Variants in CSMD3 observed in about 807,000 individuals in gnomAD.
The protein encoded by CSMD3 is CUB and sushi domain-containing protein 3.
Under a neutral mutation model 435.2 loss-of-function variants are expected in CSMD3, and 177 were observed. The observed-to-expected ratio is 0.41, with a 90% confidence interval of 0.36 to 0.46. The LOEUF (loss-of-function observed/expected upper bound fraction) is 0.46, where lower values mean the gene tolerates loss of function less well. Ranked by LOEUF, CSMD3 falls within the 20% of genes least tolerant of loss-of-function variation. The pLI, the probability that CSMD3 is intolerant of heterozygous loss-of-function variation, is 0.34. For synonymous variants in CSMD3, 1,656 were observed against 1,520.5 expected (o/e 1.09, Z -2.07); for missense variants, 4,265 against 4,504.6 (o/e 0.95, Z 1.52).
chr8:113,240,977 A>C (rs1309171056), intron 3 of CSMD3, among the ~76,000 whole-genome samples: 2 of 152,140 alleles, frequency 1.3e-5, no homozygotes, highest in African/African-American at 4.8e-5. Flanking sequence ...GAAATATAAT[A>C]AGGGATTATT....
At chr8:112,852,331 AT>A (rs1218784799) in intron 11 of CSMD3, among the ~76,000 whole-genome samples, 4 of 152,076 alleles carry the variant, frequency 2.6e-5, no homozygotes, top group African/African-American at 2.4e-5. Flanking sequence ...TGAAATTTGG[AT>A]TTTTTTGTTT....
intron 3 of CSMD3, among the ~76,000 whole-genome samples, chr8:113,216,295 T>C (rs1039480454): frequency 6.6e-6 from 1 of 151,916 alleles, no homozygotes; most frequent in Admixed American, 6.6e-5. Context: ...ATGTACGCAC[T>C]GAGCTTATAT....
intron 10 of CSMD3, among the ~76,000 whole-genome samples, chr8:112,865,686 C>CCACACACA (rs3220985): frequency 2.3e-5 from 1 of 43,122 alleles, no homozygotes; most frequent in Non-Finnish European, 5.8e-5. Flanking sequence ...TTTACATACC[C>CCACACACA]CACACACACA....
intron 52 of CSMD3, among the ~76,000 whole-genome samples, chr8:112,304,458 A>G (rs966250579): frequency 1.2e-4 from 19 of 152,110 alleles, no homozygotes; most frequent in Non-Finnish European, 2.6e-4. Flanking sequence ...AGTAATCATT[A>G]CTTCATTGTT....
At chr8:112,496,412 A>T (rs193249969) in intron 30 of CSMD3, among the ~76,000 whole-genome samples, 1 of 152,290 alleles carries the variant, frequency 6.6e-6, no homozygotes, top group African/African-American at 2.4e-5. Context: ...TCCTCAAAAA[A>T]CTAAATATAG....
intron 6 of CSMD3, among the ~76,000 whole-genome samples, chr8:113,005,479 G>A (rs2086021689): frequency 6.6e-6 from 1 of 151,704 alleles, no homozygotes; most frequent in East Asian, 1.9e-4. Context: ...ATAATTATAT[G>A]TACGACTTAA....
At position 112,679,270 on chromosome 8, in the gene CSMD3, CTT is replaced by C. The variant is rs1306879694; in HGVS notation, c.2677+3170_2677+3171del. On this transcript the variant is annotated intron_variant, in intron 16 of 70. Coordinates refer to ENST00000297405, the MANE Select transcript of CSMD3 (RefSeq NM_198123.2). ...TAGTTATAGAGTTGACAGCAGTCTG[CTT>C]TGTTGGGTGGAAACTGGCTCAGAGG... Among the ~76,000 whole-genome samples, 3 of 152,188 alleles carry C rather than the reference CTT, an allele frequency of 2.0e-5. No individual in the cohort carries two copies. The East Asian group carries it at 5.8e-4, about 29-fold the overall frequency.
chr8:113,100,401 A>G (rs16884330), intron 4 of CSMD3, among the ~76,000 whole-genome samples: 2,272 of 152,172 alleles, frequency 0.015, 59 homozygotes, highest in African/African-American at 0.053. Context: ...ACCCTCAACC[A>G]TAAATCACTT....
At chr8:112,670,396 A>G (rs1218549284) in intron 16 of CSMD3, among the ~76,000 whole-genome samples, 1 of 152,192 alleles carries the variant, frequency 6.6e-6, no homozygotes. Context: ...GGATATGTAT[A>G]TATACACACA....
chr8:113,021,519 A>T (rs1447379351), intron 5 of CSMD3, among the ~76,000 whole-genome samples: 1 of 152,182 alleles, frequency 6.6e-6, no homozygotes, highest in East Asian at 1.9e-4. Flanking sequence ...CAATGCATGG[A>T]GGTGTGTAAT....
At chr8:113,090,209 G>A (rs540013763) in intron 5 of CSMD3, among the ~76,000 whole-genome samples, 1 of 151,974 alleles carries the variant, frequency 6.6e-6, no homozygotes, top group South Asian at 2.1e-4. Context: ...AGAGAAATTA[G>A]TCAAGTTAGG....
At chr8:113,025,460 C>G (rs1480454) in intron 5 of CSMD3, among the ~76,000 whole-genome samples, 100,502 of 151,974 alleles carry the variant, frequency 0.66, 34,533 homozygotes, top group East Asian at 0.95. Flanking sequence ...TTTCAGACTA[C>G]GCATACTTGG....
chr8:112,682,664 CACAA>C lies in CSMD3; in HGVS notation c.2483-32_2483-29del, dbSNP rs750285613. On this transcript the variant is annotated intron_variant, in intron 15 of 70. Transcript: ENST00000297405. ...TTAGAATAATATGCAAAGAAAAATA[CACAA>C]ACAAACAACATTAGCCAGAGAGAGA... 2.0e-5 allele frequency: 28 copies of C among 1,416,520 alleles called. No homozygotes were observed. The South Asian group carries it at 2.4e-4, about 12-fold the overall frequency. The allele number at this position is 1,416,520 out of a possible 1,614,324, so 87.7% of individuals were successfully genotyped here.
chr8:113,007,048 A>C (rs2086084286), intron 6 of CSMD3, among the ~76,000 whole-genome samples: 1 of 152,002 alleles, frequency 6.6e-6, no homozygotes, highest in East Asian at 1.9e-4. Flanking sequence ...GAAATTTGGA[A>C]AAAGAAGTAA....
intron 22 of CSMD3, among the ~76,000 whole-genome samples, chr8:112,604,242 G>A (rs1457521912): frequency 6.6e-6 from 1 of 152,134 alleles, no homozygotes; most frequent in African/African-American, 2.4e-5. Flanking sequence ...TTTGAAGCCA[G>A]GTAGTGTGAT....
intron 3 of CSMD3, among the ~76,000 whole-genome samples, chr8:113,198,040 A>G (rs537347672): frequency 4.0e-5 from 6 of 151,402 alleles, no homozygotes; most frequent in Non-Finnish European, 7.4e-5. Context: ...TGTTGGGATA[A>G]TCATACATGA....
intron 22 of CSMD3, among the ~76,000 whole-genome samples, chr8:112,611,015 T>G: frequency 6.6e-6 from 1 of 152,184 alleles, no homozygotes; most frequent in East Asian, 1.9e-4. Flanking sequence ...AAATGTGACA[T>G]TATAGATGAA....
chr8:113,306,520 G>T (rs2093822611), intron 2 of CSMD3, among the ~76,000 whole-genome samples: 1 of 152,026 alleles, frequency 6.6e-6, no homozygotes, highest in African/African-American at 2.4e-5. Flanking sequence ...TAATTTTCAT[G>T]GAAAGTCATT....
At chr8:113,030,989 T>C (rs1300480480) in intron 5 of CSMD3, among the ~76,000 whole-genome samples, 2 of 151,514 alleles carry the variant, frequency 1.3e-5, no homozygotes, top group African/African-American at 4.8e-5. Flanking sequence ...TTAAAAACAG[T>C]GACTATGCCA....
Sources: allele counts gnomAD v4.1 joint callset (sites outside exome capture counted in the v4.1 genomes callset), GRCh38; gene constraint gnomAD v4.1.1; transcripts MANE v1.5; gene names NCBI Gene and HGNC (gene_info 2026-07-23, HGNC 2026-07-21).